The following PDLIM5 variants were observed in gnomAD, a reference collection of about 807,000 sequenced individuals.
PDLIM5 encodes PDZ and LIM domain protein 5.
Under a neutral mutation model 64.2 loss-of-function variants are expected in PDLIM5, and 34 were observed. The observed-to-expected ratio is 0.53, with a 90% CI of 0.40 to 0.71. PDLIM5 has a LOEUF of 0.71. Ranked by LOEUF, PDLIM5 falls within the 30% of genes least tolerant of loss-of-function variation. The pLI, the probability that PDLIM5 is intolerant of heterozygous loss-of-function variation, is 0.00. For missense variants in PDLIM5, 683 were observed against 733.6 expected (o/e 0.93, Z 0.80); for synonymous variants, 253 against 269.1 (o/e 0.94, Z 0.59).
intron 3 of PDLIM5, among the ~76,000 whole-genome samples, chr4:94,526,231 C>T (rs1356809136): frequency 2.0e-5 from 3 of 152,138 alleles, no homozygotes; most frequent in Non-Finnish European, 4.4e-5. Context: ...CACTTCTGAG[C>T]CCCATAAGAG....
chr4:94,498,235 C>A (rs1727581056), intron 2 of PDLIM5, among the ~76,000 whole-genome samples: 1 of 152,056 alleles, frequency 6.6e-6, no homozygotes, highest in South Asian at 2.1e-4. Flanking sequence ...AAATCACTTC[C>A]CCAGGAGTAA....
At position 94,455,260 on chromosome 4, in the gene PDLIM5, C is replaced by G. The variant is rs747499743; in HGVS notation, c.-29C>G. On this transcript the variant is annotated 5_prime_UTR_variant, in exon 2 of 13. Coordinates refer to ENST00000317968, the MANE Select transcript of PDLIM5 (RefSeq NM_006457.5). Reference sequence around the variant, plus strand: ...TTTCTTTCACAGCATATTTCATTTTCTGTCATTGGACTTTGAGCCATTAGA... The same window carrying G: ...TTTCTTTCACAGCATATTTCATTTTGTGTCATTGGACTTTGAGCCATTAGA... 7.6e-7 allele frequency: 1 copy of G among 1,320,256 alleles called. No individual in the cohort carries two copies. Among genetic ancestry groups the G allele is most frequent in the Non-Finnish European group, 1.1e-6 (1 of 918,188 alleles). 81.8% of individuals were successfully genotyped at this position (1,320,256 alleles called of 1,614,324 possible). A position where few individuals can be genotyped will look rare whatever the true frequency, so the allele number is the denominator to read the frequency against.
chr4:94,665,121 TC>T lies in PDLIM5; in HGVS notation c.*1057del. On this transcript the variant is annotated 3_prime_UTR_variant, in exon 13 of 13. Transcript: ENST00000317968. ...CTATATTAGGCAAATTCCATTTTTT[TC>T]CCTTGTGCTAAGGTAAAGATTTAAT... 1 of 886,170 alleles carries T rather than the reference TC, an allele frequency of 1.1e-6. No homozygotes were observed. The highest frequency in any genetic ancestry group is 1.9e-5 in the African/African-American group (1 of 52,380). 54.9% of individuals were successfully genotyped at this position (886,170 alleles called of 1,614,324 possible).
chr4:94,610,352 C>T (rs1183919925), intron 7 of PDLIM5: 2 of 1,261,020 alleles, frequency 1.6e-6, no homozygotes, highest in Non-Finnish European at 2.1e-6. Flanking sequence ...CAGCGCTCTT[C>T]ACTGTCTTAC....
chr4:94,509,710 A>T (rs547170425), intron 2 of PDLIM5, among the ~76,000 whole-genome samples: 1 of 152,314 alleles, frequency 6.6e-6, no homozygotes, highest in African/African-American at 2.4e-5. Flanking sequence ...AAAACTGAAG[A>T]ACTTGGAGTC....
At chr4:94,604,732 A>C (rs1461196569) in intron 7 of PDLIM5, among the ~76,000 whole-genome samples, 1 of 152,200 alleles carries the variant, frequency 6.6e-6, no homozygotes, top group Non-Finnish European at 1.5e-5. Context: ...TTCAATGGGT[A>C]TAGAGTTTCG....
chr4:94,563,118 A>C (rs1000987868), intron 3 of PDLIM5, among the ~76,000 whole-genome samples: 3 of 152,198 alleles, frequency 2.0e-5, no homozygotes, highest in African/African-American at 7.2e-5. Flanking sequence ...ATAAATCACA[A>C]ATAATATAAG....
intron 5 of PDLIM5, among the ~76,000 whole-genome samples, chr4:94,583,172 C>T (rs946948932): frequency 4.3e-4 from 66 of 152,188 alleles, no homozygotes; most frequent in African/African-American, 1.5e-3. Context: ...GGTCATCACA[C>T]TCTGGAGTTT....
intron 2 of PDLIM5, among the ~76,000 whole-genome samples, chr4:94,477,524 T>G (rs185172683): frequency 3.3e-5 from 5 of 152,318 alleles, no homozygotes; most frequent in Admixed American, 3.3e-4. Flanking sequence ...CTCTTCATGG[T>G]TTTCTTTAAA....
chr4:94,643,873 A>G (rs1344497082), intron 9 of PDLIM5, among the ~76,000 whole-genome samples: 1 of 152,174 alleles, frequency 6.6e-6, no homozygotes, highest in South Asian at 2.1e-4. Context: ...CTGTTTTACC[A>G]TTTATTTCAG....
At chr4:94,486,769 G>A (rs553668246) in intron 2 of PDLIM5, among the ~76,000 whole-genome samples, 19 of 152,270 alleles carry the variant, frequency 1.2e-4, no homozygotes, top group African/African-American at 4.6e-4. Flanking sequence ...TGGGAGGCCA[G>A]TTCAGGAGAG....
intron 2 of PDLIM5, among the ~76,000 whole-genome samples, chr4:94,469,745 T>C (rs1466765943): frequency 1.3e-5 from 2 of 152,312 alleles, no homozygotes; most frequent in East Asian, 3.9e-4. Context: ...GTATGTTTCA[T>C]AAATTGCTTT....
At chr4:94,635,663 C>T in intron 8 of PDLIM5, among the ~76,000 whole-genome samples, 1 of 151,446 alleles carries the variant, frequency 6.6e-6, no homozygotes, top group East Asian at 2.0e-4. Flanking sequence ...ATAATGGAAG[C>T]AGGGCTCATT....
intron 7 of PDLIM5, among the ~76,000 whole-genome samples, chr4:94,604,537 G>A (rs1737756336): frequency 6.6e-6 from 1 of 152,220 alleles, no homozygotes; most frequent in African/African-American, 2.4e-5. Context: ...AGGAGGCTGA[G>A]GCAGGAGAAT....
At chr4:94,475,363 C>T (rs1725231701) in intron 2 of PDLIM5, among the ~76,000 whole-genome samples, 1 of 152,192 alleles carries the variant, frequency 6.6e-6, no homozygotes, top group Non-Finnish European at 1.5e-5. Flanking sequence ...GTACTTTCTT[C>T]AACAAAAATT....
chr4:94,466,772 A>G (rs1206991164), intron 2 of PDLIM5, among the ~76,000 whole-genome samples: 1 of 152,186 alleles, frequency 6.6e-6, no homozygotes, highest in African/African-American at 2.4e-5. Flanking sequence ...GGCAGTTTTA[A>G]TAATATATGA....
chr4:94,608,135 A>G (rs1738075658), intron 7 of PDLIM5: 4 of 1,530,636 alleles, frequency 2.6e-6, no homozygotes, highest in Non-Finnish European at 3.5e-6. Flanking sequence ...AACTATTGGT[A>G]GCCAAGTGGC....
chr4:94,586,928 CT>C (rs1453931647), intron 7 of PDLIM5: 2 of 1,376,484 alleles, frequency 1.5e-6, no homozygotes, highest in African/African-American at 1.5e-5. Flanking sequence ...AACCTTTTTC[CT>C]TCTATTTCTT....
intron 2 of PDLIM5, among the ~76,000 whole-genome samples, chr4:94,486,749 C>T (rs542046077): frequency 1.3e-5 from 2 of 152,294 alleles, no homozygotes; most frequent in East Asian, 3.9e-4. Context: ...TGCCTGCAAT[C>T]CCAGCACTTT....
Sources: gnomAD v4.1 joint callset for allele counts (sites outside exome capture counted in the v4.1 genomes callset) on GRCh38, gnomAD v4.1.1 for gene constraint, MANE v1.5 for transcripts, NCBI Gene and HGNC (gene_info 2026-07-23, HGNC 2026-07-21) for gene names.